Variants in RPTOR observed in about 807,000 individuals in gnomAD.
RPTOR encodes regulatory-associated protein of mTOR.
RPTOR carries 21 observed loss-of-function variants against 169.9 expected under a neutral mutation model. The observed-to-expected ratio is 0.12, with a 90% confidence interval of 0.09 to 0.18. RPTOR has a LOEUF of 0.18. Ranked by LOEUF, RPTOR falls within the 10% of genes least tolerant of loss-of-function variation. The pLI is 1.00. For synonymous variants in RPTOR, 732 were observed against 753.2 expected, an observed-to-expected ratio of 0.97 and a Z score of 0.46; for missense variants, 1,133 against 1,855.9, an observed-to-expected ratio of 0.61 and a Z score of 7.16.
chr17:80,569,418 G>C (rs1047009937), intron 1 of RPTOR, among the ~76,000 whole-genome samples: 2 of 152,170 alleles, frequency 1.3e-5, no homozygotes, highest in African/African-American at 4.8e-5. Flanking sequence ...CCAGCACTTT[G>C]GGAGGCTGAG....
At chr17:80,717,667 C>G (rs546505474) in intron 4 of RPTOR, among the ~76,000 whole-genome samples, 1 of 152,322 alleles carries the variant, frequency 6.6e-6, no homozygotes, top group African/African-American at 2.4e-5. Flanking sequence ...ACAGATGATA[C>G]ACTGTCGGTA....
At chr17:80,663,523 A>C (rs1172605880) in intron 3 of RPTOR, among the ~76,000 whole-genome samples, 3 of 152,192 alleles carry the variant, frequency 2.0e-5, no homozygotes, top group African/African-American at 7.2e-5. Flanking sequence ...CTTTGAATGA[A>C]TTATTAGGTG....
At chr17:80,705,167 C>T (rs993111093) in intron 3 of RPTOR, among the ~76,000 whole-genome samples, 7 of 152,286 alleles carry the variant, frequency 4.6e-5, no homozygotes, top group South Asian at 2.1e-4. Flanking sequence ...TGCGTGTCAA[C>T]GCACATCCTT....
intron 11 of RPTOR, among the ~76,000 whole-genome samples, chr17:80,850,386 G>A (rs565668829): frequency 1.3e-5 from 2 of 152,302 alleles, no homozygotes; most frequent in East Asian, 1.9e-4. Context: ...CAACAGACAC[G>A]ATTTCATTCT....
At chr17:80,880,308 T>C (rs2068171956) in intron 13 of RPTOR, 107 bp from the exon 14 acceptor site, 10 of 890,638 alleles carry the variant, frequency 1.1e-5, no homozygotes, top group Non-Finnish European at 1.5e-5. Context: ...GAGGAAATAA[T>C]TGAGGTATAA....
intron 27 of RPTOR, among the ~76,000 whole-genome samples, chr17:80,948,298 C>T (rs568484870): frequency 2.6e-4 from 39 of 152,350 alleles, no homozygotes; most frequent in African/African-American, 9.1e-4. Flanking sequence ...GCCATGGGGA[C>T]GTGTCCTCGT....
Position 80,646,951 on chromosome 17 carries a change from C to T in RPTOR, c.348+3141C>T, listed in dbSNP as rs149410476. Among the ~76,000 whole-genome samples the T allele has an allele frequency of 2.5e-3, 375 of 152,288 alleles. No homozygotes were observed. Among genetic ancestry groups the T allele is most frequent in the African/African-American group, 8.5e-3 (352 of 41,558 alleles). ...AGAAAGCCAACCCCGGAACCCCCGT[C>T]GGCTGCACCAGAATGGTGTCTGGAA... On this transcript the variant is annotated intron_variant, in intron 3 of 33. Coordinates refer to ENST00000306801, the MANE Select transcript of RPTOR (RefSeq NM_020761.3). This position sits in a 1 kb window ranked among gnomAD's most constrained non-coding sequence, Gnocchi z 5.0.
chr17:80,792,401 G>A (rs957501882), intron 7 of RPTOR, among the ~76,000 whole-genome samples: 3 of 152,140 alleles, frequency 2.0e-5, no homozygotes, highest in Non-Finnish European at 4.4e-5. Flanking sequence ...AAAAATGCAA[G>A]AATATTATGT....
At chr17:80,700,820 ATGGTGG>A (rs1277379813) in intron 3 of RPTOR, among the ~76,000 whole-genome samples, 7 of 4,516 alleles carry the variant, frequency 1.6e-3, no homozygotes, top group Non-Finnish European at 3.1e-3. Flanking sequence ...GGTGATGGTG[ATGGTGG>A]TGGTGGTGGT....
intron 3 of RPTOR, among the ~76,000 whole-genome samples, chr17:80,655,428 G>A (rs1231409242): frequency 2.0e-5 from 3 of 149,334 alleles, no homozygotes; most frequent in African/African-American, 7.5e-5. Context: ...TATTTTTAGA[G>A]GGGTCTTGCT....
rs940629537 is a variant in RPTOR, at chr17:80,563,033, T to C, written c.162+17242T>C. On this transcript the variant is annotated intron_variant, in intron 1 of 33. Transcript: ENST00000306801. The stretch of plus-strand genomic sequence containing the variant: ...CTGCATCAATAGTGGGCCGTTTCCA[T>C]GGTTTCTGGTCTGTTGCTGGTCTGG... 2.0e-5 allele frequency among the ~76,000 whole-genome samples: 3 copies of C among 152,288 alleles called. No individual in the cohort carries two copies. The East Asian group carries it at 5.8e-4, about 29-fold the overall frequency.
intron 1 of RPTOR, among the ~76,000 whole-genome samples, chr17:80,610,305 A>G (rs1280082478): frequency 6.6e-6 from 1 of 152,190 alleles, no homozygotes; most frequent in Admixed American, 6.5e-5. Context: ...TGATTATACA[A>G]CATTATGATG....
intron 24 of RPTOR, among the ~76,000 whole-genome samples, chr17:80,927,740 C>CCCTGTGTGTGTCTGTG (rs1555636516): frequency 0.022 from 1,980 of 91,612 alleles, 50 homozygotes; most frequent in African/African-American, 0.074. Flanking sequence ...TTCTGTGTGT[C>CCCTGTGTGTGTCTGTG]TGTGTGTGTG....
At chr17:80,636,261 C>G (rs1190496432) in intron 2 of RPTOR, among the ~76,000 whole-genome samples, 1 of 152,082 alleles carries the variant, frequency 6.6e-6, no homozygotes, top group African/African-American at 2.4e-5. Context: ...ACTCTAGTCC[C>G]TACTTCTACC....
At chr17:80,705,093 A>C (rs1331842111) in intron 3 of RPTOR, among the ~76,000 whole-genome samples, 1 of 152,166 alleles carries the variant, frequency 6.6e-6, no homozygotes, top group Non-Finnish European at 1.5e-5. Flanking sequence ...TTCTCTGAGC[A>C]CTTCCTCCTT....
rs771660225 is a variant in RPTOR at position 80,960,156 on chromosome 17, G to A, written c.3556G>A (p.Gly1186Ser). Residue 1186 changes from glycine (G) to serine (S), a missense_variant, in exon 30 of 34, where the codon GGT (glycine) becomes AGT (serine). By Grantham distance (56) the Gly-to-Ser change is moderately conservative. Coordinates refer to ENST00000306801, the MANE Select transcript of RPTOR (RefSeq NM_020761.3). This position sits in a 1 kb window ranked among gnomAD's most constrained non-coding sequence, Gnocchi z 4.8. ...CCGCTCACTCATCGTGGCTGGCCTC[G>A]GTGACGGCTCCATCCGCGTCTACGA... is the stretch of plus-strand genomic sequence containing the variant. ...SHRSLIVAGL[G>S]DGSIRVYDRR... 7 of 1,613,484 alleles carry A rather than the reference G, an allele frequency of 4.3e-6. No homozygotes were observed. Among genetic ancestry groups the A allele is most frequent in the Non-Finnish European group, 4.2e-6 (5 of 1,180,022 alleles).
At chr17:80,565,300 A>G (rs2084567147) in intron 1 of RPTOR, among the ~76,000 whole-genome samples, 1 of 152,234 alleles carries the variant, frequency 6.6e-6, no homozygotes, top group African/African-American at 2.4e-5. Flanking sequence ...CGCCAATGCC[A>G]TCAATGACTT....
rs1293593672 is a variant in RPTOR, at chr17:80,721,055, T to C, written c.508-9505T>C. 1.3e-5 allele frequency among the ~76,000 whole-genome samples: 2 copies of C among 150,978 alleles called. 1 individual carries two copies. The highest frequency in any genetic ancestry group is 5.0e-5 in the African/African-American group (2 of 40,352). On this transcript the variant is annotated intron_variant, in intron 4 of 33. Coordinates refer to ENST00000306801, the MANE Select transcript of RPTOR (RefSeq NM_020761.3). This position sits in a 1 kb window ranked among gnomAD's most constrained non-coding sequence, Gnocchi z 4.7. Reference sequence around the variant, plus strand: ...ACAGTCCCGGGTAAACACCAAGGCCTCGTGGGAGGCACCTAGGAGGTGAGG... The same window carrying C: ...ACAGTCCCGGGTAAACACCAAGGCCCCGTGGGAGGCACCTAGGAGGTGAGG...
chr17:80,826,603 G>A (rs889835342), intron 9 of RPTOR, among the ~76,000 whole-genome samples: 2 of 152,274 alleles, frequency 1.3e-5, no homozygotes, highest in Non-Finnish European at 2.9e-5. Flanking sequence ...GCTGGGGCAG[G>A]GAAGCACCGC....
Sources: gnomAD v4.1 joint callset for allele counts (sites outside exome capture counted in the v4.1 genomes callset) on GRCh38, gnomAD v4.1.1 for gene constraint, Gnocchi (gnomAD v3.1) non-coding constraint, MANE v1.5 for transcripts, NCBI Gene and HGNC (gene_info 2026-07-23, HGNC 2026-07-21) for gene names.